The following HMGB1 variants were observed in gnomAD, a reference collection of about 807,000 sequenced individuals.
HMGB1 encodes high mobility group box 1.
For synonymous variants in HMGB1, 81 were observed against 84.0 expected, an observed-to-expected ratio of 0.96 and a Z score of 0.19; for missense variants, 79 against 253.5, an observed-to-expected ratio of 0.31 and a Z score of 4.67.
chr13:30,482,864 T>G (rs931965614), intron 1 of HMGB1, among the ~76,000 whole-genome samples: 2 of 152,038 alleles, frequency 1.3e-5, no homozygotes, highest in African/African-American at 4.8e-5. Flanking sequence ...CATAGCTCAC[T>G]GTAGCCTTGA....
At chr13:30,514,351 T>C (rs1202976584) in intron 1 of HMGB1, among the ~76,000 whole-genome samples, 3 of 113,204 alleles carry the variant, frequency 2.7e-5, no homozygotes, top group African/African-American at 1.2e-4. Context: ...TCTAGTTCAA[T>C]CTTTTTTTTT....
At chr13:30,584,153 A>G (rs188463449) in intron 1 of HMGB1, among the ~76,000 whole-genome samples, 1 of 152,330 alleles carries the variant, frequency 6.6e-6, no homozygotes, top group African/African-American at 2.4e-5. Flanking sequence ...TCTTTACCCT[A>G]ATCAACAAGG....
At chr13:30,482,833 G>A (rs1316798014) in intron 1 of HMGB1, among the ~76,000 whole-genome samples, 2 of 152,102 alleles carry the variant, frequency 1.3e-5, no homozygotes, top group African/African-American at 4.8e-5. Context: ...TGTTGCCCAG[G>A]CTGGAGTACA....
intron 1 of HMGB1, among the ~76,000 whole-genome samples, chr13:30,595,663 C>G (rs1310371125): frequency 6.6e-6 from 1 of 152,134 alleles, no homozygotes; most frequent in African/African-American, 2.4e-5. Context: ...TCGGCTGGGA[C>G]GGCCATCCTT....
At chr13:30,605,795 G>A (rs1325686137) in intron 1 of HMGB1, among the ~76,000 whole-genome samples, 1 of 152,112 alleles carries the variant, frequency 6.6e-6, no homozygotes, top group African/African-American at 2.4e-5. Flanking sequence ...AAAGCTGAAA[G>A]AATTGTTTGA....
At chr13:30,580,688 C>CAATG (rs1870860798) in intron 1 of HMGB1, among the ~76,000 whole-genome samples, 1 of 152,102 alleles carries the variant, frequency 6.6e-6, no homozygotes, top group African/African-American at 2.4e-5. Flanking sequence ...TCGCAGGAGA[C>CAATG]AATGCATAGC....
chr13:30,485,090 A>G (rs1217882979), intron 1 of HMGB1, among the ~76,000 whole-genome samples: 7 of 140,904 alleles, frequency 5.0e-5, no homozygotes, highest in Non-Finnish European at 1.1e-4. Context: ...GGAGTGCCAT[A>G]GTGCAATCTC....
chr13:30,564,348 G>A (rs1477809445), intron 1 of HMGB1, among the ~76,000 whole-genome samples: 1 of 151,770 alleles, frequency 6.6e-6, no homozygotes, highest in Non-Finnish European at 1.5e-5. Context: ...AGCTACTCGG[G>A]AGGCTGACTC....
At chr13:30,557,756 C>T (rs1261453410) in intron 1 of HMGB1, among the ~76,000 whole-genome samples, 1 of 152,210 alleles carries the variant, frequency 6.6e-6, no homozygotes, top group Non-Finnish European at 1.5e-5. Flanking sequence ...CCAACCTTGC[C>T]TCTTTTTAGT....
At chr13:30,609,131 T>A (rs1215428674) in intron 1 of HMGB1, among the ~76,000 whole-genome samples, 1 of 152,102 alleles carries the variant, frequency 6.6e-6, no homozygotes, top group Non-Finnish European at 1.5e-5. Flanking sequence ...GGCGTAGTGG[T>A]GGGAGCCTGT....
At chr13:30,467,085 G>A (rs1593259938), upstream of HMGB1, among the ~76,000 whole-genome samples, 2 of 152,308 alleles carry the variant, frequency 1.3e-5, no homozygotes, top group Admixed American at 1.3e-4. Context: ...ACATACTTAC[G>A]TCTGTAGAGA....
Position 30,460,162 on chromosome 13 carries a change from T to C in HMGB1, c.*1195A>G, listed in dbSNP as rs1593251105. On this transcript the variant is annotated 3_prime_UTR_variant, in exon 5 of 5. Transcript: ENST00000341423. ...TCATTCAAATAAATTGAATAATTCA[T>C]ACTGAGATGCAAAGTTTGTCTTCTT... 2.6e-5 allele frequency: 4 copies of C among 152,434 alleles called. No individual in the cohort carries two copies. The highest frequency in any genetic ancestry group is 2.1e-4 in the South Asian group (1 of 4,832). 9.4% of individuals were successfully genotyped at this position (152,434 alleles called of 1,614,324 possible).
At chr13:30,515,915 T>G (rs1165386411) in intron 1 of HMGB1, among the ~76,000 whole-genome samples, 1 of 152,134 alleles carries the variant, frequency 6.6e-6, no homozygotes, top group African/African-American at 2.4e-5. Context: ...CAAAGAAAGA[T>G]TCTATATAAC....
At chr13:30,464,761 T>TTGTGTG (rs376284891) in intron 1 of HMGB1, 3,611 of 164,332 alleles carry the variant, frequency 0.022, 50 homozygotes, top group Middle Eastern at 0.047. Context: ...CTCCTTCCCT[T>TTGTGTG]TGTGTGTGTG....
intron 1 of HMGB1, among the ~76,000 whole-genome samples, chr13:30,575,649 G>A (rs1023342647): frequency 7.2e-5 from 11 of 152,122 alleles, no homozygotes; most frequent in African/African-American, 2.7e-4. Context: ...TTTCAAGCCT[G>A]TAATAAGGTA....
intron 1 of HMGB1, among the ~76,000 whole-genome samples, chr13:30,548,243 A>T (rs1379458002): frequency 6.6e-6 from 1 of 152,128 alleles, no homozygotes. Context: ...TTCTCATGAG[A>T]TCTGACGGTT....
At chr13:30,467,328 G>A (rs1367677848), upstream of HMGB1, among the ~76,000 whole-genome samples, 2 of 152,022 alleles carry the variant, frequency 1.3e-5, no homozygotes, top group Non-Finnish European at 2.9e-5. Flanking sequence ...GTGTTAATTT[G>A]ATTTTTTATA....
intron 1 of HMGB1, among the ~76,000 whole-genome samples, chr13:30,481,722 C>T (rs957477263): frequency 6.6e-6 from 1 of 152,222 alleles, no homozygotes; most frequent in South Asian, 2.1e-4. Flanking sequence ...CTCTGTCAGA[C>T]CCTAGTTATC....
chr13:30,493,450 G>A (rs988733130), intron 1 of HMGB1, among the ~76,000 whole-genome samples: 2 of 152,184 alleles, frequency 1.3e-5, no homozygotes, highest in Non-Finnish European at 2.9e-5. Flanking sequence ...GAGAAAATCT[G>A]GGGGATGACA....
Sources: allele counts gnomAD v4.1 joint callset (sites outside exome capture counted in the v4.1 genomes callset), GRCh38; gene constraint gnomAD v4.1.1; transcripts MANE v1.5; gene names NCBI Gene and HGNC (gene_info 2026-07-23, HGNC 2026-07-21).